The following INSRR variants were observed in gnomAD, a reference collection of about 807,000 sequenced individuals.
INSRR encodes the protein insulin receptor related receptor.
In INSRR, 114 loss-of-function variants were observed where a neutral mutation model predicts 130.0. That is an observed-to-expected ratio of 0.88 (90% confidence interval 0.75 to 1.02). INSRR has a LOEUF of 1.02. INSRR is among the 50% of genes least tolerant of loss of function. The pLI, the probability that INSRR is intolerant of heterozygous loss-of-function variation, is 0.00. For missense variants in INSRR, 1,657 were observed against 1,735.2 expected (o/e 0.95, Z 0.80); for synonymous variants, 674 against 705.2 (o/e 0.96, Z 0.70).
In INSRR at chr1:156,845,760, TC is replaced by T; in HGVS notation, c.2032del (p.Asp678IlefsTer53). On this transcript the variant is annotated frameshift_variant, in exon 10 of 22. Transcript: ENST00000368195. LOFTEE classifies it high-confidence loss of function. The part of the protein sequence containing the change: ...NDPRFDGEDG[D>X]PEAEMESDCC... ...GTCGGACTCCATCTCGGCCTCAGGA[TC>T]CCCGTCTTCGCCGTCGAAGCGCGGA... is the stretch of plus-strand genomic sequence containing the variant. 1 of 1,613,068 alleles carries T rather than the reference TC, an allele frequency of 6.2e-7. No homozygotes were observed. Among genetic ancestry groups the T allele is most frequent in the African/African-American group, 1.3e-5 (1 of 74,866 alleles).
chr1:156,859,045 G>A lies in INSRR; in HGVS notation c.-424C>T, dbSNP rs1571679012. ...CCCGGGGCGCGTGGGACTCCGCAGG[G>A]AGAGTCTCCCTGGATCCCTCCGGGC... On this transcript the variant is annotated 5_prime_UTR_variant, in exon 1 of 22. Coordinates refer to ENST00000368195, the MANE Select transcript of INSRR (RefSeq NM_014215.3). This position sits in a 1 kb window ranked among gnomAD's most constrained non-coding sequence, Gnocchi z 6.2. 5.5e-6 allele frequency: 1 copy of A among 181,610 alleles called. No homozygotes were observed. Among genetic ancestry groups the A allele is most frequent in the East Asian group, 1.4e-4 (1 of 7,146 alleles). The allele number at this position is 181,610 out of a possible 1,614,324, so 11.2% of individuals were successfully genotyped here.
intron 1 of INSRR, among the ~76,000 whole-genome samples, chr1:156,857,584 C>T (rs1031708481): frequency 6.6e-6 from 1 of 152,110 alleles, no homozygotes; most frequent in African/African-American, 2.4e-5. Flanking sequence ...GTTCGGTGGT[C>T]GGGGGAGTGG....
rs1021741804 is a variant in INSRR at position 156,851,648 on chromosome 1, C to A, written c.1082G>T (p.Gly361Val). The change falls in exon 4 of 22, where the codon GGC (glycine) becomes GTC (valine). Residue 361 changes from glycine to valine, a missense_variant and splice_region_variant. Transcript: ENST00000368195. ...GTGGCCCCAAAGTAGGTACTGACAG[C>A]CCTGGCGAAGGTTGAGGATGAGGCT... The part of the protein sequence containing the change: ...EGSLILNLRQ[G>V]YNLEPQLQHS... 1 of 1,614,140 alleles carries A rather than the reference C, an allele frequency of 6.2e-7. No individual in the cohort carries two copies. Among genetic ancestry groups the A allele is most frequent in the Non-Finnish European group, 8.5e-7 (1 of 1,179,998 alleles).
intron 5 of INSRR, 147 bp from the exon 6 acceptor site, chr1:156,849,607 C>A: frequency 1.6e-6 from 1 of 634,586 alleles, no homozygotes; most frequent in Admixed American, 2.4e-5. Flanking sequence ...ACACCGGGGG[C>A]ATTCGTGCAT....
chr1:156,844,669 C>T, intron 13 of INSRR, 38 bp downstream of exon 13: 1 of 1,613,922 alleles, frequency 6.2e-7, no homozygotes. Context: ...GATGTAGGCA[C>T]AAAACGGGGC....
At chr1:156,849,116 G>A (rs1655113653) in intron 6 of INSRR, 69 bp from the exon 7 acceptor site, 6 of 1,597,278 alleles carry the variant, frequency 3.8e-6, no homozygotes, top group African/African-American at 1.3e-5. Flanking sequence ...CTGACCCCGC[G>A]GCATCCCATT....
intron 5 of INSRR, among the ~76,000 whole-genome samples, chr1:156,850,534 CTTTTTTTTTTTTTTTTT>C (rs35237064): frequency 3.4e-5 from 2 of 58,618 alleles, no homozygotes; most frequent in East Asian, 5.4e-4. Flanking sequence ...TTAAAACATT[CTTTTTTTTTTTTTTTTT>C]TTTTTTTTTT....
intron 2 of INSRR, among the ~76,000 whole-genome samples, chr1:156,853,027 C>T (rs185257250): frequency 1.7e-3 from 253 of 152,276 alleles, no homozygotes; most frequent in Non-Finnish European, 2.3e-3. Context: ...TTTCCTATAA[C>T]GTTTTGCTTA....
intron 7 of INSRR, among the ~76,000 whole-genome samples, chr1:156,848,297 A>G (rs920692796): frequency 2.6e-5 from 4 of 152,138 alleles, no homozygotes; most frequent in Non-Finnish European, 5.9e-5. Context: ...ATCTTCTATA[A>G]TATCTACCAG....
In INSRR at chr1:156,846,503, C is replaced by T. The variant is rs200366061; in HGVS notation, c.1810+16G>A. 165 of 1,598,766 alleles carry T rather than the reference C, an allele frequency of 1.0e-4. No individual in the cohort carries two copies. The African/African-American group carries it at 1.9e-3, about 19-fold the overall frequency. ...TGCAGGCGTCTGACTGACTCTTGCA[C>T]CCTCCAAATGCCTACCTGCAGGCAG... On this transcript the variant is annotated intron_variant, in intron 8 of 21. Coordinates refer to ENST00000368195, the MANE Select transcript of INSRR (RefSeq NM_014215.3).
At chr1:156,846,142 A>C in intron 8 of INSRR, 23 bp from the exon 9 acceptor site, 2 of 1,558,694 alleles carry the variant, frequency 1.3e-6, no homozygotes, top group Non-Finnish European at 1.7e-6. Context: ...GAAGGATGCA[A>C]CTCAGGGGTG....
intron 16 of INSRR, 27 bp from the exon 17 acceptor site, chr1:156,843,260 C>T (rs772177382): frequency 5.6e-6 from 9 of 1,605,960 alleles, no homozygotes; most frequent in Non-Finnish European, 6.8e-6. Context: ...GGTCACAAAG[C>T]GAGGATGCTG....
At chr1:156,843,403 C>T (rs377442639) in intron 16 of INSRR, 24 bp downstream of exon 16, 1 of 1,612,444 alleles carries the variant, frequency 6.2e-7, no homozygotes, top group Non-Finnish European at 8.5e-7. Context: ...CCCACACCAC[C>T]TGTCCACCCA....
At chr1:156,847,424 T>C (rs1046498531) in intron 7 of INSRR, among the ~76,000 whole-genome samples, 1 of 152,158 alleles carries the variant, frequency 6.6e-6, no homozygotes, top group Non-Finnish European at 1.5e-5. Flanking sequence ...GAGGGCTCCC[T>C]GGGGGAGATG....
intron 5 of INSRR, 143 bp downstream of exon 5, chr1:156,851,147 A>G: frequency 1.2e-6 from 1 of 834,544 alleles, no homozygotes; most frequent in Admixed American, 1.8e-5. Flanking sequence ...AGAAAACTGA[A>G]GACCAGAGAA....
intron 7 of INSRR, among the ~76,000 whole-genome samples, chr1:156,848,072 G>A (rs1222851708): frequency 2.0e-5 from 3 of 152,058 alleles, no homozygotes; most frequent in African/African-American, 7.3e-5. Context: ...TCAGTGGGGG[G>A]CGAGGCCCAG....
At chr1:156,841,236 A>AAT in intron 21 of INSRR, 132 bp from the exon 22 acceptor site, 2 of 941,146 alleles carry the variant, frequency 2.1e-6, no homozygotes, top group Non-Finnish European at 3.3e-6. Context: ...GAAGGGATTA[A>AAT]ATGGGAGTCT....
chr1:156,842,073 C>G, intron 19 of INSRR, 39 bp downstream of exon 19: 1 of 1,612,258 alleles, frequency 6.2e-7, no homozygotes, highest in Non-Finnish European at 8.5e-7. Context: ...AGTCTCTCTA[C>G]TTTTCAGGCC....
chr1:156,842,859 C>A, intron 17 of INSRR, 145 bp downstream of exon 17: 1 of 684,376 alleles, frequency 1.5e-6, no homozygotes, highest in Non-Finnish European at 2.5e-6. Flanking sequence ...TAACCCTAAC[C>A]ATGACCTTTA....
Sources: allele counts gnomAD v4.1 joint callset (sites outside exome capture counted in the v4.1 genomes callset), GRCh38; gene constraint gnomAD v4.1.1; non-coding constraint Gnocchi (gnomAD v3.1); transcripts MANE v1.5; gene names NCBI Gene and HGNC (gene_info 2026-07-23, HGNC 2026-07-21).